The following STK24 variants were observed in gnomAD, a reference collection of about 807,000 sequenced individuals.
The protein encoded by STK24 is serine/threonine kinase 24, also known as serine/threonine-protein kinase 24.
In STK24, 21 loss-of-function variants were observed where a neutral mutation model predicts 55.6. The ratio of observed to expected loss-of-function variants is 0.38; its 90% CI spans 0.27 to 0.54. STK24 has a LOEUF of 0.54. Among genes scored for constraint, STK24 ranks in the 20% least tolerant of loss-of-function variants. The pLI is 0.79. For synonymous variants in STK24, 200 were observed against 215.2 expected, an observed-to-expected ratio of 0.93 and a Z score of 0.62; for missense variants, 383 against 538.4, an observed-to-expected ratio of 0.71 and a Z score of 2.86.
Position 98,445,792 on chromosome 13 carries a change from ACCCTGC to A in STK24, c.*7375_*7380del. The A allele has an allele frequency of 3.9e-6, 1 of 254,872 alleles. No individual in the cohort carries two copies. 15.8% of individuals were successfully genotyped at this position (254,872 alleles called of 1,614,324 possible). On this transcript the variant is annotated 3_prime_UTR_variant, in exon 11 of 11. Coordinates refer to ENST00000539966, the MANE Select transcript of STK24 (RefSeq NM_001032296.4). ...CAGTGTGATCTCGTCTTCACTAGTT[ACCCTGC>A]AACGAGCCTATTTCCAAATAAGCCT...
At chr13:98,523,407 C>T (rs1211957680) in intron 1 of STK24, among the ~76,000 whole-genome samples, 1 of 152,206 alleles carries the variant, frequency 6.6e-6, no homozygotes, top group Non-Finnish European at 1.5e-5. Flanking sequence ...TCTCTGGGTC[C>T]ACACCCCTAT....
At position 98,446,074 on chromosome 13, in the gene STK24, C is replaced by T; in HGVS notation, c.*7099G>A. On this transcript the variant is annotated 3_prime_UTR_variant, in exon 11 of 11. Transcript: ENST00000539966. Reference sequence around the variant, plus strand: ...CCTGGGGCAGGTGCCCGCTGTGCTTCTCACAGGCCTCCTTGCCTTTCAGAA... The same window carrying T: ...CCTGGGGCAGGTGCCCGCTGTGCTTTTCACAGGCCTCCTTGCCTTTCAGAA... The T allele has an allele frequency of 6.5e-7, 1 of 1,548,794 alleles. No individual in the cohort carries two copies. The highest frequency in any genetic ancestry group is 1.4e-5 in the African/African-American group (1 of 73,862).
intron 8 of STK24, 104 bp downstream of exon 8, chr13:98,461,670 C>T: frequency 6.6e-7 from 1 of 1,511,280 alleles, no homozygotes; most frequent in South Asian, 1.2e-5. Flanking sequence ...AGGACAGCTG[C>T]CACAAAGGAC....
chr13:98,534,119 GC>G (rs1366053463), intron 1 of STK24, among the ~76,000 whole-genome samples: 1 of 152,194 alleles, frequency 6.6e-6, no homozygotes, highest in Non-Finnish European at 1.5e-5. Context: ...AGGAGGCAAG[GC>G]CCATGGTCAC....
intron 4 of STK24, 121 bp from the exon 5 acceptor site, chr13:98,475,099 C>T (rs769281843): frequency 7.4e-5 from 106 of 1,442,170 alleles, no homozygotes; most frequent in Non-Finnish European, 9.3e-5. Flanking sequence ...CGGGGCTACA[C>T]TTTTTGTCAG....
At position 98,449,641 on chromosome 13, in the gene STK24, C is replaced by T. The variant is rs115403911; in HGVS notation, c.*3532G>A. On this transcript the variant is annotated 3_prime_UTR_variant, in exon 11 of 11. Coordinates refer to ENST00000539966, the MANE Select transcript of STK24 (RefSeq NM_001032296.4). ...CTGGAAACAAACAGCAACTTGCAAA[C>T]GGACGAAGAGCCTGCCGTGTGTTAA... 5.4e-3 allele frequency: 821 copies of T among 152,720 alleles called. 5 individuals carry two copies. The highest frequency in any genetic ancestry group is 0.017 in the African/African-American group (725 of 41,552). 9.5% of individuals were successfully genotyped at this position (152,720 alleles called of 1,614,324 possible).
intron 1 of STK24, among the ~76,000 whole-genome samples, chr13:98,543,488 G>A (rs1430803003): frequency 6.6e-6 from 1 of 152,148 alleles, no homozygotes; most frequent in Non-Finnish European, 1.5e-5. Context: ...CGTAATAAAG[G>A]CACACACTAC....
At chr13:98,576,571 G>A (rs888343464) in intron 1 of STK24, among the ~76,000 whole-genome samples, 174 bp downstream of exon 1, 2 of 151,856 alleles carry the variant, frequency 1.3e-5, no homozygotes, top group African/African-American at 4.8e-5. Flanking sequence ...CGCCGGAGCC[G>A]GCAGGGACGC....
chr13:98,477,400 G>A (rs540499908), intron 3 of STK24, among the ~76,000 whole-genome samples: 3 of 152,284 alleles, frequency 2.0e-5, no homozygotes, highest in East Asian at 1.9e-4. Flanking sequence ...GGCCAGGCGC[G>A]GTGGCTCATG....
At chr13:98,523,579 A>G (rs1172027451) in intron 1 of STK24, among the ~76,000 whole-genome samples, 1 of 152,210 alleles carries the variant, frequency 6.6e-6, no homozygotes, top group African/African-American at 2.4e-5. Flanking sequence ...GAGGCAGTGG[A>G]GAGCTGGCAA....
At chr13:98,509,569 C>T (rs113117140) in intron 2 of STK24, among the ~76,000 whole-genome samples, 320 of 152,212 alleles carry the variant, frequency 2.1e-3, no homozygotes, top group African/African-American at 7.0e-3. Context: ...TTTATGTTGC[C>T]TTGGCATCCA....
rs1427324390 is a variant in STK24 at position 98,446,845 on chromosome 13, C to T, written c.*6328G>A. 6.2e-7 allele frequency: 1 copy of T among 1,611,642 alleles called. No individual in the cohort carries two copies. The highest frequency in any genetic ancestry group is 8.5e-7 in the Non-Finnish European group (1 of 1,178,244). ...AGACACCCCCTTCCCACGCACAGGG[C>T]CCTGCAGAAGAGGACCCCCTCTTCC... is the stretch of plus-strand genomic sequence containing the variant. On this transcript the variant is annotated 3_prime_UTR_variant, in exon 11 of 11. Transcript: ENST00000539966.
At chr13:98,574,837 C>T (rs572486516) in intron 1 of STK24, among the ~76,000 whole-genome samples, 3 of 147,984 alleles carry the variant, frequency 2.0e-5, no homozygotes, top group Non-Finnish European at 4.5e-5. Context: ...TTTAAGAATT[C>T]TGACCCACTC....
chr13:98,556,222 G>A (rs1302342684), intron 1 of STK24, among the ~76,000 whole-genome samples: 1 of 152,218 alleles, frequency 6.6e-6, no homozygotes, highest in Non-Finnish European at 1.5e-5. Context: ...TCTTGCCACA[G>A]GGATCAGTCC....
intron 5 of STK24, among the ~76,000 whole-genome samples, chr13:98,472,161 A>T (rs940584513): frequency 1.3e-5 from 2 of 152,194 alleles, no homozygotes; most frequent in African/African-American, 4.8e-5. Context: ...GCCCAGTGGG[A>T]AACAAAGGAA....
chr13:98,457,422 T>A, intron 9 of STK24, 118 bp from the exon 10 acceptor site: 3 of 1,434,536 alleles, frequency 2.1e-6, no homozygotes, highest in Non-Finnish European at 2.8e-6. Flanking sequence ...CCCCAGGGTG[T>A]CCGGGAAAAG....
chr13:98,520,448 G>A (rs767659551), intron 1 of STK24, among the ~76,000 whole-genome samples: 5 of 152,206 alleles, frequency 3.3e-5, no homozygotes, highest in Non-Finnish European at 7.3e-5. Context: ...GGAACAGAAC[G>A]CCAGGCCAAC....
chr13:98,479,263 CACTT>C (rs922936454), intron 3 of STK24, among the ~76,000 whole-genome samples: 4 of 152,306 alleles, frequency 2.6e-5, no homozygotes, highest in African/African-American at 9.6e-5. Flanking sequence ...ATCATATAGA[CACTT>C]AATTTCCATT....
chr13:98,466,850 C>G (rs755390658), intron 5 of STK24, among the ~76,000 whole-genome samples: 7 of 151,812 alleles, frequency 4.6e-5, no homozygotes, highest in African/African-American at 7.3e-5. Context: ...CGGGGGCCAG[C>G]AGGACCAGTA....
Sources: gnomAD v4.1 joint callset for allele counts (sites outside exome capture counted in the v4.1 genomes callset) on GRCh38, gnomAD v4.1.1 for gene constraint, MANE v1.5 for transcripts, NCBI Gene and HGNC (gene_info 2026-07-23, HGNC 2026-07-21) for gene names.